SYT2: variants seen among roughly 807,000 people sequenced by gnomAD.
The protein encoded by SYT2 is synaptotagmin-2.
Under a neutral mutation model 39.9 loss-of-function variants are expected in SYT2, and 15 were observed. That is an observed-to-expected ratio of 0.38 (90% CI 0.25 to 0.58). The LOEUF (loss-of-function observed/expected upper bound fraction) is 0.58, where lower values mean the gene tolerates loss of function less well. Among genes scored for constraint, SYT2 ranks in the 20% least tolerant of loss-of-function variants. The pLI, the probability that SYT2 is intolerant of heterozygous loss-of-function variation, is 0.70. For missense variants in SYT2, 389 were observed against 530.3 expected (o/e 0.73, Z 2.62); for synonymous variants, 181 against 204.5 (o/e 0.89, Z 0.98).
intron 1 of SYT2, among the ~76,000 whole-genome samples, chr1:202,700,037 A>T (rs901287678): frequency 6.6e-6 from 1 of 152,214 alleles, no homozygotes; most frequent in Non-Finnish European, 1.5e-5. Flanking sequence ...TAGGCAAGGC[A>T]GATAAACGCA....
chr1:202,663,768 G>C (rs954199971), intron 1 of SYT2, among the ~76,000 whole-genome samples: 11 of 152,194 alleles, frequency 7.2e-5, no homozygotes, highest in African/African-American at 2.7e-4. Flanking sequence ...GGCTGTGGCA[G>C]GCAGGGCAGG....
intron 1 of SYT2, among the ~76,000 whole-genome samples, chr1:202,635,587 T>C (rs1338062553): frequency 1.3e-5 from 2 of 152,142 alleles, no homozygotes; most frequent in Admixed American, 1.3e-4. Context: ...TAAAATGATA[T>C]TCAGGAAGAA....
At chr1:202,680,946 C>A (rs1294110198) in intron 1 of SYT2, among the ~76,000 whole-genome samples, 3 of 152,144 alleles carry the variant, frequency 2.0e-5, no homozygotes, top group Non-Finnish European at 4.4e-5. Context: ...GAACCCTTGA[C>A]AAAAACACTG....
intron 1 of SYT2, among the ~76,000 whole-genome samples, chr1:202,672,546 G>A (rs1188381552): frequency 6.6e-6 from 1 of 151,096 alleles, no homozygotes; most frequent in Non-Finnish European, 1.5e-5. Context: ...TGGTAAGATT[G>A]TATGTTATTG....
chr1:202,596,563 T>G lies in SYT2; in HGVS notation c.*194A>C. The stretch of plus-strand genomic sequence containing the variant: ...AACAGAGCCAGGCTTCTCTTTCACC[T>G]CTTAGGGGACTCTCCTCACACAGCC... On this transcript the variant is annotated 3_prime_UTR_variant, in exon 9 of 9. Transcript: ENST00000367268. The G allele has an allele frequency of 3.4e-6, 2 of 586,978 alleles. No individual in the cohort carries two copies. Among genetic ancestry groups the G allele is most frequent in the South Asian group, 4.2e-5 (2 of 47,890 alleles). 36.4% of individuals were successfully genotyped at this position (586,978 alleles called of 1,614,324 possible). A position where few individuals can be genotyped will look rare whatever the true frequency, so the allele number is the denominator to read the frequency against.
At chr1:202,681,103 C>T (rs1048395586) in intron 1 of SYT2, among the ~76,000 whole-genome samples, 1 of 152,062 alleles carries the variant, frequency 6.6e-6, no homozygotes, top group African/African-American at 2.4e-5. Flanking sequence ...CCCCTGGTCC[C>T]ACCCTGGCTC....
intron 1 of SYT2, among the ~76,000 whole-genome samples, chr1:202,622,504 C>A (rs1233248338): frequency 3.3e-5 from 5 of 152,178 alleles, no homozygotes; most frequent in Admixed American, 6.5e-5. Context: ...TAACTTCAAT[C>A]TCTCCTGCTG....
At chr1:202,604,357 T>G in intron 3 of SYT2, 98 bp downstream of exon 3, 1 of 1,253,816 alleles carries the variant, frequency 8.0e-7, no homozygotes, top group Non-Finnish European at 1.1e-6. Flanking sequence ...GGGAGCAGGT[T>G]TGGCTGTGGA....
At chr1:202,698,008 A>C (rs767983627) in intron 1 of SYT2, among the ~76,000 whole-genome samples, 2 of 152,082 alleles carry the variant, frequency 1.3e-5, no homozygotes, top group Non-Finnish European at 2.9e-5. Flanking sequence ...GAGGAGCCAG[A>C]GGGAAAGAAA....
chr1:202,627,091 C>A (rs1691439136), intron 1 of SYT2, among the ~76,000 whole-genome samples: 1 of 152,224 alleles, frequency 6.6e-6, no homozygotes, highest in African/African-American at 2.4e-5. Context: ...CCAGTCCAGG[C>A]TCTGTCCAGG....
At position 202,623,273 on chromosome 1, in the gene SYT2, G is replaced by A. The variant is rs754634323; in HGVS notation, c.-17-17484C>T. 2.0e-5 allele frequency among the ~76,000 whole-genome samples: 3 copies of A among 152,232 alleles called. No individual in the cohort carries two copies. The highest frequency in any genetic ancestry group is 2.9e-5 in the Non-Finnish European group (2 of 68,040). ...GAGGGAGTTAATACTGCAGCACGGCGCACTCTAGCCAAGACGGAGAAGCTG... is the reference window on the plus strand; with the variant it reads ...GAGGGAGTTAATACTGCAGCACGGCACACTCTAGCCAAGACGGAGAAGCTG... On this transcript the variant is annotated intron_variant, in intron 1 of 8. Transcript: ENST00000367268. This position sits in a 1 kb window ranked among gnomAD's most constrained non-coding sequence, Gnocchi z 4.2.
intron 1 of SYT2, chr1:202,627,715 G>T (rs1369009174): frequency 1.3e-6 from 1 of 743,280 alleles, no homozygotes; most frequent in Non-Finnish European, 1.6e-6. Flanking sequence ...CCCCTAGCAT[G>T]TTTAATTGCT....
At chr1:202,618,206 G>T (rs140052042) in intron 1 of SYT2, among the ~76,000 whole-genome samples, 1 of 152,130 alleles carries the variant, frequency 6.6e-6, no homozygotes, top group East Asian at 1.9e-4. Flanking sequence ...TTGAGATTGG[G>T]TCACATTATG....
At chr1:202,689,839 C>T (rs1157024620) in intron 1 of SYT2, among the ~76,000 whole-genome samples, 1 of 151,682 alleles carries the variant, frequency 6.6e-6, no homozygotes, top group African/African-American at 2.4e-5. Flanking sequence ...TAAGTCAGGT[C>T]CCGGAATTAA....
At chr1:202,602,928 C>A in intron 4 of SYT2, 71 bp downstream of exon 4, 1 of 1,568,234 alleles carries the variant, frequency 6.4e-7, no homozygotes, top group South Asian at 1.2e-5. Context: ...GGAGCTGTTT[C>A]TATCCCCCTT....
chr1:202,648,549 C>T (rs1197422019), intron 1 of SYT2, among the ~76,000 whole-genome samples: 1 of 152,084 alleles, frequency 6.6e-6, no homozygotes, highest in Admixed American at 6.5e-5. Flanking sequence ...TGCTATGGAC[C>T]AGACAGTTTA....
intron 1 of SYT2, among the ~76,000 whole-genome samples, chr1:202,625,263 TGTA>T (rs947775753): frequency 8.4e-6 from 1 of 118,614 alleles, no homozygotes; most frequent in African/African-American, 3.8e-5. Context: ...GTGTGTGGCA[TGTA>T]GTAGGGTGTG....
At chr1:202,610,833 CAAAT>C (rs1196796108) in intron 1 of SYT2, among the ~76,000 whole-genome samples, 1 of 151,938 alleles carries the variant, frequency 6.6e-6, no homozygotes, top group East Asian at 1.9e-4. Flanking sequence ...AGGATACAAA[CAAAT>C]GGAAGAACAT....
intron 1 of SYT2, among the ~76,000 whole-genome samples, chr1:202,656,890 T>G (rs1692287987): frequency 6.6e-6 from 1 of 152,204 alleles, no homozygotes; most frequent in African/African-American, 2.4e-5. Context: ...TCTCTCTCCC[T>G]GTGGCTTCCA....
Sources: gnomAD v4.1 joint callset for allele counts (sites outside exome capture counted in the v4.1 genomes callset) on GRCh38, gnomAD v4.1.1 for gene constraint, Gnocchi (gnomAD v3.1) non-coding constraint, MANE v1.5 for transcripts, NCBI Gene and HGNC (gene_info 2026-07-23, HGNC 2026-07-21) for gene names.